Variants in TRIM24 observed in about 807,000 individuals in gnomAD.
TRIM24 encodes the protein tripartite motif containing 24, also known as transcription intermediary factor 1-alpha.
TRIM24 carries 29 observed loss-of-function variants against 123.9 expected under a neutral mutation model. The ratio of observed to expected loss-of-function variants is 0.23; its 90% CI spans 0.17 to 0.32. The LOEUF (loss-of-function observed/expected upper bound fraction) is 0.32, where lower values mean the gene tolerates loss of function less well. Ranked by LOEUF, TRIM24 falls within the 10% of genes least tolerant of loss-of-function variation. TRIM24 has a pLI of 1.00. For missense variants in TRIM24, 932 were observed against 1,295.3 expected, an observed-to-expected ratio of 0.72 and a Z score of 4.31; for synonymous variants, 456 against 461.1, an observed-to-expected ratio of 0.99 and a Z score of 0.14.
chr7:138,534,376 T>C (rs971172343), intron 6 of TRIM24, among the ~76,000 whole-genome samples: 3 of 152,174 alleles, frequency 2.0e-5, no homozygotes, highest in South Asian at 2.1e-4. Flanking sequence ...CCTCTACACA[T>C]TGCTTTAAAT....
chr7:138,567,448 T>A, intron 9 of TRIM24, 33 bp from the exon 10 acceptor site: 1 of 1,576,146 alleles, frequency 6.3e-7, no homozygotes, highest in East Asian at 2.3e-5. Flanking sequence ...AGAAGAAGAT[T>A]GTTACTAAAT....
chr7:138,539,801 CTT>C (rs528996607), intron 7 of TRIM24, among the ~76,000 whole-genome samples: 17 of 129,590 alleles, frequency 1.3e-4, no homozygotes, highest in Middle Eastern at 4.1e-3. Context: ...ATTAAGTAAT[CTT>C]TTTTTTTTTT....
intron 1 of TRIM24, among the ~76,000 whole-genome samples, chr7:138,463,791 G>T (rs963383325): frequency 1.6e-4 from 25 of 151,980 alleles, no homozygotes; most frequent in Admixed American, 2.0e-4. Context: ...CAAAGAAAGC[G>T]TTTAAATTGG....
At chr7:138,565,574 C>T (rs1230025243) in intron 9 of TRIM24, among the ~76,000 whole-genome samples, 4 of 152,174 alleles carry the variant, frequency 2.6e-5, no homozygotes, top group Admixed American at 6.5e-5. Flanking sequence ...GTAAACCTTT[C>T]GTCTCCAATC....
chr7:138,585,880 G>A lies in TRIM24; in HGVS notation c.*929G>A, dbSNP rs749136562. The A allele has an allele frequency of 7.7e-6, 4 of 518,788 alleles. No homozygotes were observed. The highest frequency in any genetic ancestry group is 1.9e-5 in the African/African-American group (1 of 51,914). The allele number at this position is 518,788 out of a possible 1,614,324, so 32.1% of individuals were successfully genotyped here. A position where few individuals can be genotyped will look rare whatever the true frequency, so the allele number is the denominator to read the frequency against. On this transcript the variant is annotated 3_prime_UTR_variant, in exon 19 of 19. Coordinates refer to ENST00000343526, the MANE Select transcript of TRIM24 (RefSeq NM_015905.3). ...GGTTCTTCATCATATACCCTACTGG[G>A]CATTAAATATAAGTTCCTCTGAAAG...
At chr7:138,463,043 G>GGTTTTTTTTT (rs1368069679) in intron 1 of TRIM24, among the ~76,000 whole-genome samples, 1 of 60,132 alleles carries the variant, frequency 1.7e-5, no homozygotes, top group Non-Finnish European at 2.8e-5. Context: ...CTAATTTTGT[G>GGTTTTTTTTT]TTTTTTTTTT....
chr7:138,529,955 A>C (rs1796695013), intron 6 of TRIM24, among the ~76,000 whole-genome samples: 1 of 152,214 alleles, frequency 6.6e-6, no homozygotes, highest in Non-Finnish European at 1.5e-5. Flanking sequence ...AAGAATCCTA[A>C]TGTTTGAAGA....
chr7:138,500,350 A>G (rs899158774), intron 1 of TRIM24, among the ~76,000 whole-genome samples: 5 of 152,016 alleles, frequency 3.3e-5, no homozygotes, highest in Non-Finnish European at 7.4e-5. Flanking sequence ...GCTTGAGGCC[A>G]GGAGTTTGAG....
intron 7 of TRIM24, among the ~76,000 whole-genome samples, chr7:138,547,971 A>G (rs143183861): frequency 2.7e-3 from 413 of 152,302 alleles, no homozygotes; most frequent in African/African-American, 8.9e-3. Flanking sequence ...AGTATAGCCA[A>G]CGGGATTTGC....
chr7:138,559,572 C>T (rs960480134), intron 9 of TRIM24, among the ~76,000 whole-genome samples: 6 of 152,108 alleles, frequency 3.9e-5, no homozygotes, highest in African/African-American at 7.2e-5. Flanking sequence ...TGACTAGAGC[C>T]GGGCTGTTGT....
chr7:138,469,844 T>C (rs1477595299), intron 1 of TRIM24, among the ~76,000 whole-genome samples: 1 of 152,222 alleles, frequency 6.6e-6, no homozygotes, highest in Non-Finnish European at 1.5e-5. Context: ...TCACATATGC[T>C]GTATGGAGTA....
intron 1 of TRIM24, among the ~76,000 whole-genome samples, chr7:138,470,322 G>T (rs1795244915): frequency 6.6e-6 from 1 of 151,762 alleles, no homozygotes; most frequent in Non-Finnish European, 1.5e-5. Flanking sequence ...GTAGAGACAG[G>T]GTTTCACTAT....
Position 138,586,094 on chromosome 7 carries a change from C to CTGAT in TRIM24, c.*1152_*1155dup, listed in dbSNP as rs566904744. 9.0e-4 allele frequency: 349 copies of CTGAT among 386,678 alleles called. 2 individuals carry two copies. The highest frequency in any genetic ancestry group is 7.0e-3 in the African/African-American group (336 of 48,014). 24.0% of individuals were successfully genotyped at this position (386,678 alleles called of 1,614,324 possible). ...TGATCTGACTTCTGATTTTATTCTTCTGATTGATTGATAGAGGTACAAAAG... is the reference window on the plus strand; with the variant it reads ...TGATCTGACTTCTGATTTTATTCTTCTGATTGATTGATTGATAGAGGTACAAAAG... On this transcript the variant is annotated 3_prime_UTR_variant, in exon 19 of 19. Coordinates refer to ENST00000343526, the MANE Select transcript of TRIM24 (RefSeq NM_015905.3).
chr7:138,568,592 G>GA (rs2116665782), intron 10 of TRIM24, among the ~76,000 whole-genome samples: 1 of 151,612 alleles, frequency 6.6e-6, no homozygotes, highest in African/African-American at 2.4e-5. Flanking sequence ...TCACCATGTT[G>GA]GCCAGGCTAG....
intron 14 of TRIM24, among the ~76,000 whole-genome samples, chr7:138,578,571 C>A (rs900804588): frequency 7.1e-6 from 1 of 140,966 alleles, no homozygotes; most frequent in Non-Finnish European, 1.5e-5. Flanking sequence ...TGTGCGCGCA[C>A]GCACGAATGG....
intron 1 of TRIM24, among the ~76,000 whole-genome samples, chr7:138,468,774 A>G (rs545633084): frequency 7.9e-5 from 12 of 152,160 alleles, no homozygotes; most frequent in Non-Finnish European, 1.5e-4. Flanking sequence ...AGTAGCCTTC[A>G]GCCAAGGACT....
chr7:138,513,974 G>A (rs543780014), intron 2 of TRIM24, among the ~76,000 whole-genome samples: 2 of 152,300 alleles, frequency 1.3e-5, no homozygotes, highest in Non-Finnish European at 2.9e-5. Context: ...CAGAATCAGA[G>A]GAGGAAGGGT....
chr7:138,508,692 T>TGTGTGTGTGCGCGCGCGCGC (rs1422176564), intron 2 of TRIM24, among the ~76,000 whole-genome samples: 43 of 137,272 alleles, frequency 3.1e-4, no homozygotes, highest in Admixed American at 1.5e-3. Context: ...TGTGTGTGTG[T>TGTGTGTGTGCGCGCGCGCGC]GCGCGCGCGT....
intron 1 of TRIM24, among the ~76,000 whole-genome samples, chr7:138,487,436 T>C (rs1426703536): frequency 6.6e-6 from 1 of 152,142 alleles, no homozygotes; most frequent in African/African-American, 2.4e-5. Flanking sequence ...AGGGAATTTT[T>C]CAAAGGTCAG....
Sources: gnomAD v4.1 joint callset for allele counts (sites outside exome capture counted in the v4.1 genomes callset) on GRCh38, gnomAD v4.1.1 for gene constraint, MANE v1.5 for transcripts, NCBI Gene and HGNC (gene_info 2026-07-23, HGNC 2026-07-21) for gene names.